The following SMARCB1 variants were observed in gnomAD, a reference collection of about 807,000 sequenced individuals.
SMARCB1 encodes SWI/SNF-related matrix-associated actin-dependent regulator of chromatin subfamily B member 1.
SMARCB1 carries 5 observed loss-of-function variants against 49.0 expected under a neutral mutation model. The observed-to-expected ratio is 0.10, with a 90% CI of 0.05 to 0.21. SMARCB1 has a LOEUF of 0.21. Ranked by LOEUF, SMARCB1 falls within the 10% of genes least tolerant of loss-of-function variation. SMARCB1 has a pLI of 1.00. For missense variants in SMARCB1, 226 were observed against 509.2 expected (o/e 0.44, Z 5.35); for synonymous variants, 201 against 200.1 (o/e 1.00, Z -0.04).
intron 5 of SMARCB1, among the ~76,000 whole-genome samples, chr22:23,811,719 C>T (rs747622152): frequency 2.6e-5 from 4 of 152,192 alleles, no homozygotes; most frequent in African/African-American, 4.8e-5. Context: ...ATCTGTAGCA[C>T]CAGTGCGTAC....
At chr22:23,803,969 A>C (rs867543065) in intron 5 of SMARCB1, 1 of 189,570 alleles carries the variant, frequency 5.3e-6, no homozygotes, top group Non-Finnish European at 1.1e-5. Flanking sequence ...TATGCATCCC[A>C]GGTGTCTAGA....
intron 7 of SMARCB1, among the ~76,000 whole-genome samples, chr22:23,828,253 G>A (rs959999074): frequency 5.9e-5 from 9 of 151,954 alleles, no homozygotes; most frequent in African/African-American, 1.9e-4. Context: ...GGGTTTCACC[G>A]TATTAGCTAG....
chr22:23,792,121 C>T (rs1928419031), intron 2 of SMARCB1: 6 of 555,380 alleles, frequency 1.1e-5, no homozygotes, highest in East Asian at 6.6e-5. Context: ...GGTATGTGAG[C>T]GGGCCGGGGC....
At position 23,795,384 on chromosome 22, in the gene SMARCB1, G is replaced by C. The variant is rs370383051; in HGVS notation, c.362+1696G>C. Among the ~76,000 whole-genome samples the C allele has an allele frequency of 2.4e-4, 37 of 152,206 alleles. No individual in the cohort carries two copies. In the East Asian group the frequency reaches 3.3e-3, roughly 14 times the overall value. On this transcript the variant is annotated intron_variant, in intron 3 of 8. Coordinates refer to ENST00000644036, the MANE Select transcript of SMARCB1 (RefSeq NM_003073.5). ...AAAAAATAAAAAACAGGCCGGGCAC[G>C]GTGGCTCACGCCTGTAATCCCAGCA...
At chr22:23,828,794 G>A (rs2030512071) in intron 7 of SMARCB1, among the ~76,000 whole-genome samples, 1 of 152,216 alleles carries the variant, frequency 6.6e-6, no homozygotes, top group Non-Finnish European at 1.5e-5. Context: ...GACATTGATT[G>A]GATCCATGGT....
At chr22:23,816,317 C>T (rs532468690) in intron 5 of SMARCB1, 5 of 242,166 alleles carry the variant, frequency 2.1e-5, no homozygotes, top group African/African-American at 8.9e-5. Context: ...GCCTGGAAAT[C>T]GCTGTGGCTT....
At chr22:23,795,514 G>A (rs532218346) in intron 3 of SMARCB1, among the ~76,000 whole-genome samples, 11 of 151,946 alleles carry the variant, frequency 7.2e-5, no homozygotes, top group Middle Eastern at 3.4e-3. Context: ...AGTTAGCCTC[G>A]CATGGTGGTG....
chr22:23,814,800 G>A (rs189516299), intron 5 of SMARCB1, among the ~76,000 whole-genome samples: 4 of 151,586 alleles, frequency 2.6e-5, no homozygotes, highest in Admixed American at 6.6e-5. Flanking sequence ...GAGAAACCTC[G>A]TCTCTACTAA....
At chr22:23,793,538 A>C (rs1928536281) in intron 2 of SMARCB1, 21 bp from the exon 3 acceptor site, 1 of 1,598,872 alleles carries the variant, frequency 6.3e-7, no homozygotes, top group Non-Finnish European at 8.5e-7. Flanking sequence ...AGAGTGACCC[A>C]GTGATGTTTG....
chr22:23,836,661 G>T lies in SMARCB1; in HGVS notation c.*2481G>T. ...TGCAGTTGGGCTGAGAGGCCACACT[G>T]AGTGAGGACGGGGCAGGCATAGAAG... On this transcript the variant is annotated 3_prime_UTR_variant, in exon 9 of 9. Coordinates refer to ENST00000644036, the MANE Select transcript of SMARCB1 (RefSeq NM_003073.5). 1 of 1,267,696 alleles carries T rather than the reference G, an allele frequency of 7.9e-7. No homozygotes were observed. The highest frequency in any genetic ancestry group is 9.9e-7 in the Non-Finnish European group (1 of 1,012,182). 78.5% of individuals were successfully genotyped at this position (1,267,696 alleles called of 1,614,324 possible).
chr22:23,833,869 A>C (rs1317345038), intron 8 of SMARCB1, among the ~76,000 whole-genome samples, 166 bp downstream of exon 8: 1 of 152,230 alleles, frequency 6.6e-6, no homozygotes, highest in Non-Finnish European at 1.5e-5. Context: ...TCCAAACGCC[A>C]GGGTATGTTT....
At chr22:23,825,557 G>A (rs754484256) in intron 7 of SMARCB1, 142 bp downstream of exon 7, 29 of 707,368 alleles carry the variant, frequency 4.1e-5, no homozygotes, top group Middle Eastern at 7.9e-4. Flanking sequence ...TGTTTGCTCC[G>A]TCCTCCTCCT....
rs560801462 is a variant in SMARCB1, at chr22:23,809,437, C to T, written c.628+6015C>T. On this transcript the variant is annotated intron_variant, in intron 5 of 8. Transcript: ENST00000644036. ...GATTACAGGCATGTGCCACCATACC[C>T]GGTTAATTTTTGTATTTTTAGTAGA... 5.3e-3 allele frequency among the ~76,000 whole-genome samples: 810 copies of T among 151,894 alleles called. 9 individuals carry two copies. Among genetic ancestry groups the T allele is most frequent in the African/African-American group, 0.017 (700 of 41,442 alleles).
At chr22:23,795,021 C>T (rs1379279535) in intron 3 of SMARCB1, among the ~76,000 whole-genome samples, 1 of 152,038 alleles carries the variant, frequency 6.6e-6, no homozygotes, top group Non-Finnish European at 1.5e-5. Context: ...TAGATTTATA[C>T]AACAAACTTG....
At chr22:23,826,499 T>C (rs1198104965) in intron 7 of SMARCB1, among the ~76,000 whole-genome samples, 1 of 151,594 alleles carries the variant, frequency 6.6e-6, no homozygotes, top group East Asian at 1.9e-4. Context: ...AGCCCCGTGG[T>C]TCCTCACCCT....
At chr22:23,822,622 C>A (rs2030152549) in intron 6 of SMARCB1, among the ~76,000 whole-genome samples, 2 of 152,238 alleles carry the variant, frequency 1.3e-5, no homozygotes, top group South Asian at 4.1e-4. Context: ...AGGGCCCTAA[C>A]TGCTCTCTGC....
In SMARCB1 at chr22:23,801,590, T is replaced by C. The variant is rs35514172; in HGVS notation, c.500+509T>C. The C allele has an allele frequency of 7.9e-3, 2,781 of 350,804 alleles. 59 individuals are homozygous for C. Among genetic ancestry groups the C allele is most frequent in the East Asian group, 0.065 (870 of 13,422 alleles). The allele number at this position is 350,804 out of a possible 1,614,324, so 21.7% of individuals were successfully genotyped here. ...AGGGCCATGCTCCCTCCAGAGGCCA[T>C]CGAGGCGATTCGGTCCTTGCTTCTT... is the stretch of plus-strand genomic sequence containing the variant. On this transcript the variant is annotated intron_variant, in intron 4 of 8. Coordinates refer to ENST00000644036, the MANE Select transcript of SMARCB1 (RefSeq NM_003073.5).
intron 3 of SMARCB1, among the ~76,000 whole-genome samples, chr22:23,795,136 C>T (rs893366295): frequency 6.6e-6 from 1 of 151,838 alleles, no homozygotes; most frequent in African/African-American, 2.4e-5. Context: ...AAATTCCAAG[C>T]ATAAGACTGG....
chr22:23,807,563 A>C (rs994613015), intron 5 of SMARCB1, among the ~76,000 whole-genome samples: 1 of 149,000 alleles, frequency 6.7e-6, no homozygotes, highest in Non-Finnish European at 1.5e-5. Context: ...CAACAGAGTG[A>C]GACCCTGTCT....
Sources: allele counts gnomAD v4.1 joint callset (sites outside exome capture counted in the v4.1 genomes callset), GRCh38; gene constraint gnomAD v4.1.1; transcripts MANE v1.5; gene names NCBI Gene and HGNC (gene_info 2026-07-23, HGNC 2026-07-21).